The following NALF1 variants were observed in gnomAD, a reference collection of about 807,000 sequenced individuals.
NALF1 encodes family with sequence similarity 155 member A.
NALF1 carries 3 observed loss-of-function variants against 48.4 expected under a neutral mutation model. That is an observed-to-expected ratio of 0.06 (90% CI 0.03 to 0.16). The LOEUF is 0.16. Ranked by LOEUF, NALF1 falls within the 10% of genes least tolerant of loss-of-function variation. NALF1 has a pLI of 1.00. For missense variants in NALF1, 526 were observed against 571.5 expected (o/e 0.92, Z 0.81); for synonymous variants, 262 against 245.7 (o/e 1.07, Z -0.62).
chr13:107,400,107 G>A (rs536787983), intron 1 of NALF1, among the ~76,000 whole-genome samples: 2 of 152,038 alleles, frequency 1.3e-5, no homozygotes, highest in Admixed American at 1.3e-4. Flanking sequence ...TGTACCATAT[G>A]TCTCATGCAG....
intron 1 of NALF1, among the ~76,000 whole-genome samples, chr13:107,389,997 T>G (rs1190116087): frequency 6.6e-6 from 1 of 152,166 alleles, no homozygotes; most frequent in Non-Finnish European, 1.5e-5. Context: ...GATTTCTCTT[T>G]CTCAATATAG....
At chr13:107,717,653 G>C (rs1185165407) in intron 1 of NALF1, among the ~76,000 whole-genome samples, 7 of 151,732 alleles carry the variant, frequency 4.6e-5, no homozygotes, top group Admixed American at 4.6e-4. Flanking sequence ...CACAGAAAAA[G>C]ACTAATTTTC....
intron 1 of NALF1, among the ~76,000 whole-genome samples, chr13:107,830,062 C>T (rs1463337352): frequency 6.6e-6 from 1 of 152,156 alleles, no homozygotes; most frequent in East Asian, 1.9e-4. Context: ...TTATTACACC[C>T]GGAACCCTCA....
At chr13:107,231,446 C>T (rs1167114894) in intron 1 of NALF1, among the ~76,000 whole-genome samples, 2 of 152,152 alleles carry the variant, frequency 1.3e-5, no homozygotes, top group Admixed American at 1.3e-4. Flanking sequence ...TTTCCCCCAA[C>T]CCGTGCTGTG....
intron 1 of NALF1, among the ~76,000 whole-genome samples, chr13:107,401,818 C>A (rs1427541961): frequency 2.6e-5 from 4 of 152,082 alleles, no homozygotes; most frequent in African/African-American, 9.7e-5. Flanking sequence ...CACAATCAAA[C>A]CCATGTTGGA....
At chr13:107,750,283 G>A (rs1322010797) in intron 1 of NALF1, among the ~76,000 whole-genome samples, 4 of 151,984 alleles carry the variant, frequency 2.6e-5, no homozygotes, top group African/African-American at 7.3e-5. Context: ...TCCAGAACAC[G>A]GAATACGGTC....
At chr13:107,821,034 T>A (rs539974987) in intron 1 of NALF1, among the ~76,000 whole-genome samples, 1 of 152,220 alleles carries the variant, frequency 6.6e-6, no homozygotes, top group East Asian at 1.9e-4. Flanking sequence ...AATATGCGCA[T>A]GTGCATCCAT....
At chr13:107,643,502 A>C (rs1283979274) in intron 1 of NALF1, among the ~76,000 whole-genome samples, 1 of 149,270 alleles carries the variant, frequency 6.7e-6, no homozygotes, top group East Asian at 2.1e-4. Flanking sequence ...AGGACATAGA[A>C]ATGTAAATAC....
At chr13:107,687,621 T>C (rs1252232237) in intron 1 of NALF1, among the ~76,000 whole-genome samples, 1 of 151,924 alleles carries the variant, frequency 6.6e-6, no homozygotes, top group Non-Finnish European at 1.5e-5. Context: ...TCTTATTGAA[T>C]TGGGATAATA....
chr13:107,453,635 T>C (rs2139037194), intron 1 of NALF1, among the ~76,000 whole-genome samples: 1 of 152,362 alleles, frequency 6.6e-6, no homozygotes, highest in East Asian at 1.9e-4. Flanking sequence ...TTCCCCATTG[T>C]CTTGATATTT....
At chr13:107,723,690 C>T (rs970754257) in intron 1 of NALF1, among the ~76,000 whole-genome samples, 1 of 152,122 alleles carries the variant, frequency 6.6e-6, no homozygotes, top group Non-Finnish European at 1.5e-5. Flanking sequence ...ACTTTCTTAA[C>T]GACCTCTTAC....
At chr13:107,325,849 CACACACATATATAT>C (rs1389918524) in intron 1 of NALF1, among the ~76,000 whole-genome samples, 43 of 52,632 alleles carry the variant, frequency 8.2e-4, no homozygotes, top group Middle Eastern at 0.02. Flanking sequence ...TCAACACACA[CACACACATATATAT>C]ATATATATAT....
intron 1 of NALF1, among the ~76,000 whole-genome samples, chr13:107,596,216 T>C (rs148730734): frequency 4.3e-3 from 659 of 152,224 alleles, no homozygotes; most frequent in Non-Finnish European, 6.9e-3. Flanking sequence ...TGCCTCCTCA[T>C]AAGAAAAGGG....
chr13:107,179,614 A>G (rs1231883938), intron 2 of NALF1, among the ~76,000 whole-genome samples: 1 of 151,640 alleles, frequency 6.6e-6, no homozygotes, highest in African/African-American at 2.4e-5. Flanking sequence ...GTATCAAGAT[A>G]TCTCAATAAT....
At chr13:107,652,325 G>A (rs903128195) in intron 1 of NALF1, among the ~76,000 whole-genome samples, 1 of 152,090 alleles carries the variant, frequency 6.6e-6, no homozygotes, top group Admixed American at 6.5e-5. Context: ...GTCATTATGT[G>A]CTTAATGACT....
chr13:107,296,121 C>T (rs572700508), intron 1 of NALF1, among the ~76,000 whole-genome samples: 4 of 152,280 alleles, frequency 2.6e-5, no homozygotes, highest in Admixed American at 2.6e-4. Flanking sequence ...TTTAATAATA[C>T]ATGAATTAAT....
chr13:107,699,314 C>T (rs1448729771), intron 1 of NALF1, among the ~76,000 whole-genome samples: 7 of 151,998 alleles, frequency 4.6e-5, no homozygotes, highest in Admixed American at 4.6e-4. Context: ...TTACTGAGAA[C>T]TGGACTCTGT....
chr13:107,607,408 G>A (rs576593461), intron 1 of NALF1, among the ~76,000 whole-genome samples: 4 of 152,158 alleles, frequency 2.6e-5, no homozygotes, highest in African/African-American at 2.4e-5. Context: ...GTAATGAAAC[G>A]AATATAGATT....
chr13:107,866,167 T>TGCCGCC lies in NALF1; in HGVS notation c.424_429dup (p.Gly142_Gly143dup), dbSNP rs538202391. On this transcript the variant is annotated inframe_insertion, in exon 1 of 3. Transcript: ENST00000375915. The surrounding 1 kb of genome is among the most constrained non-coding windows in gnomAD (Gnocchi z 4.4). The stretch of plus-strand genomic sequence containing the variant: ...CGGTCGTCTTTGCCTCGGTTGCCCT[T>TGCCGCC]GCCGCCGCCGCCGCCGCCGTCTCCC... 7.4e-5 allele frequency: 119 copies of TGCCGCC among 1,605,256 alleles called. 1 individual carries two copies. The highest frequency in any genetic ancestry group is 5.2e-4 in the South Asian group (47 of 90,304).
Sources: allele counts gnomAD v4.1 joint callset (sites outside exome capture counted in the v4.1 genomes callset), GRCh38; gene constraint gnomAD v4.1.1; non-coding constraint Gnocchi (gnomAD v3.1); transcripts MANE v1.5; gene names NCBI Gene and HGNC (gene_info 2026-07-23, HGNC 2026-07-21).